TEX14: variants seen among roughly 807,000 people sequenced by gnomAD.
The protein encoded by TEX14 is inactive serine/threonine-protein kinase TEX14.
Under a neutral mutation model 178.6 loss-of-function variants are expected in TEX14, and 168 were observed. That is an observed-to-expected ratio of 0.94 (90% CI 0.83 to 1.07). TEX14 has a LOEUF of 1.07. TEX14 is among the 50% of genes least tolerant of loss of function. The probability of loss-of-function intolerance (pLI) is 0.00; values close to 1 mark genes in which losing one functional copy is unlikely to be tolerated. For missense variants in TEX14, 1,730 were observed against 1,753.6 expected (o/e 0.99, Z 0.24); for synonymous variants, 626 against 634.1 (o/e 0.99, Z 0.19).
At chr17:58,582,473 G>T (rs1331679326) in intron 19 of TEX14, among the ~76,000 whole-genome samples, 1 of 151,872 alleles carries the variant, frequency 6.6e-6, no homozygotes, top group Admixed American at 6.6e-5. Flanking sequence ...TGGCCAAACT[G>T]GTCTTGAACT....
At chr17:58,657,502 CTTTTTTTTTTTTTTTT>C (rs35359604) in intron 1 of TEX14, among the ~76,000 whole-genome samples, 32 of 51,352 alleles carry the variant, frequency 6.2e-4, no homozygotes, top group Non-Finnish European at 1.1e-3. Context: ...ACGGGAAATG[CTTTTTTTTTTTTTTTT>C]TTTTTTTTTT....
chr17:58,689,171 G>A (rs897621536), intron 1 of TEX14, among the ~76,000 whole-genome samples: 2 of 151,962 alleles, frequency 1.3e-5, no homozygotes, highest in South Asian at 2.1e-4. Flanking sequence ...CTCGTGATCC[G>A]CCCACCTCGG....
At chr17:58,607,200 T>C (rs531699558) in intron 10 of TEX14, among the ~76,000 whole-genome samples, 2 of 152,092 alleles carry the variant, frequency 1.3e-5, no homozygotes, top group Non-Finnish European at 2.9e-5. Context: ...AATCAACTCA[T>C]GTTACCAGCT....
At chr17:58,573,891 A>T (rs1453302297) in intron 22 of TEX14, among the ~76,000 whole-genome samples, 2 of 152,222 alleles carry the variant, frequency 1.3e-5, no homozygotes, top group African/African-American at 4.8e-5. Context: ...ATTTCCATAG[A>T]TGAAATATTC....
intron 3 of TEX14, 64 bp from the exon 4 acceptor site, chr17:58,623,076 C>T (rs2046039470): frequency 2.7e-6 from 4 of 1,489,494 alleles, no homozygotes; most frequent in Non-Finnish European, 3.7e-6. Context: ...TGGAGCGGGG[C>T]TCAGCGTGCA....
chr17:58,601,682 A>C (rs2045450130), intron 13 of TEX14, 124 bp downstream of exon 13: 3 of 911,246 alleles, frequency 3.3e-6, no homozygotes, highest in Non-Finnish European at 5.2e-6. Context: ...CAATAGAGCT[A>C]GACTTTATCT....
chr17:58,643,952 C>G (rs982007054), intron 2 of TEX14, among the ~76,000 whole-genome samples: 10 of 151,314 alleles, frequency 6.6e-5, no homozygotes, highest in African/African-American at 1.9e-4. Context: ...CCCCGCCCCC[C>G]CCAAATACCT....
intron 1 of TEX14, among the ~76,000 whole-genome samples, chr17:58,659,167 C>T (rs922558262): frequency 6.6e-6 from 1 of 151,276 alleles, no homozygotes; most frequent in Non-Finnish European, 1.5e-5. Flanking sequence ...AGCGCAAAAG[C>T]AGTCCCCCAC....
rs780044371 is a variant in TEX14 at position 58,584,599 on chromosome 17, A to C, written c.3072T>G (p.Ser1024Arg). The change falls in exon 19 of 32, where the codon AGT (serine) becomes AGG (arginine). Residue 1024 changes from serine to arginine, a missense_variant and splice_region_variant. Ser to Arg is a moderately radical substitution (Grantham distance 110). Transcript: ENST00000349033. ...GRQPRLGSFT[S>R]IRHPSPRQKE... ...TTTGTCTGGGAGATGGGTGCCTGATACCTAATGATTGTAACACAGTCAGGG... is the reference window on the plus strand; with the variant it reads ...TTTGTCTGGGAGATGGGTGCCTGATCCCTAATGATTGTAACACAGTCAGGG... 4.3e-6 allele frequency: 7 copies of C among 1,611,966 alleles called. No homozygotes were observed. In the South Asian group the frequency reaches 7.7e-5, roughly 18 times the overall value.
chr17:58,668,275 C>T (rs1598431532), intron 1 of TEX14, among the ~76,000 whole-genome samples: 1 of 152,244 alleles, frequency 6.6e-6, no homozygotes, highest in Admixed American at 6.5e-5. Flanking sequence ...TTCTCCTCCA[C>T]TACAAGACCC....
intron 3 of TEX14, among the ~76,000 whole-genome samples, chr17:58,624,000 C>T (rs2046070414): frequency 6.6e-6 from 1 of 152,166 alleles, no homozygotes; most frequent in Non-Finnish European, 1.5e-5. Context: ...ATACACTAAA[C>T]AGGCCGGGTG....
At position 58,569,286 on chromosome 17, in the gene TEX14, A is replaced by G. The variant is rs750495845; in HGVS notation, c.3818-26T>C. The G allele has an allele frequency of 9.4e-6, 15 of 1,593,716 alleles. No individual in the cohort carries two copies. Among genetic ancestry groups the G allele is most frequent in the Non-Finnish European group, 1.1e-5 (13 of 1,161,836 alleles). On this transcript the variant is annotated intron_variant, in intron 25 of 31. Coordinates refer to ENST00000349033, the MANE Select transcript of TEX14 (RefSeq NM_031272.5). This position sits in a 1 kb window ranked among gnomAD's most constrained non-coding sequence, Gnocchi z 4.1. ...CTAGTTTTTAAAAAAGACAAAAGGG[A>G]AAATGTCTTAACACCCTCCTGGACC...
chr17:58,580,399 T>TC (rs2044782916), intron 19 of TEX14, among the ~76,000 whole-genome samples: 2 of 151,962 alleles, frequency 1.3e-5, no homozygotes, highest in Admixed American at 1.3e-4. Flanking sequence ...GCACCCTCTG[T>TC]CCCCCGGGTT....
chr17:58,645,500 A>G (rs952982759), intron 2 of TEX14, among the ~76,000 whole-genome samples: 1 of 151,998 alleles, frequency 6.6e-6, no homozygotes, highest in African/African-American at 2.4e-5. Context: ...CTGGGACTAT[A>G]GGCGCCCGCC....
intron 5 of TEX14, among the ~76,000 whole-genome samples, chr17:58,619,305 G>A (rs2045943649): frequency 6.6e-6 from 1 of 152,114 alleles, no homozygotes. Context: ...AAATTTCTCA[G>A]CACACATCTA....
intron 18 of TEX14, among the ~76,000 whole-genome samples, 158 bp downstream of exon 18, chr17:58,585,643 A>C: frequency 8.4e-6 from 1 of 118,774 alleles, no homozygotes. Context: ...TTTTGTAGAG[A>C]CCAGGTTTCA....
At chr17:58,634,584 T>C (rs537822080) in intron 2 of TEX14, among the ~76,000 whole-genome samples, 16 of 152,268 alleles carry the variant, frequency 1.1e-4, no homozygotes, top group African/African-American at 2.9e-4. Flanking sequence ...AACTGCCCAA[T>C]GTATCTCCCC....
chr17:58,588,754 G>A (rs564652085), intron 15 of TEX14, among the ~76,000 whole-genome samples: 11 of 152,182 alleles, frequency 7.2e-5, no homozygotes, highest in Admixed American at 3.9e-4. Flanking sequence ...ACATAAAGGC[G>A]TCTTTTTTTC....
chr17:58,672,682 A>G (rs1199892251), intron 1 of TEX14, among the ~76,000 whole-genome samples: 1 of 150,212 alleles, frequency 6.7e-6, no homozygotes, highest in Non-Finnish European at 1.5e-5. Flanking sequence ...TTGGCCACCC[A>G]AAGTGCTGGG....
Sources: gnomAD v4.1 joint callset for allele counts (sites outside exome capture counted in the v4.1 genomes callset) on GRCh38, gnomAD v4.1.1 for gene constraint, Gnocchi (gnomAD v3.1) non-coding constraint, MANE v1.5 for transcripts, NCBI Gene and HGNC (gene_info 2026-07-23, HGNC 2026-07-21) for gene names.